Variants in ERBB4 observed in about 807,000 individuals in gnomAD.
ERBB4 encodes receptor tyrosine-protein kinase erbB-4.
ERBB4 carries 42 observed loss-of-function variants against 158.0 expected under a neutral mutation model. That is an observed-to-expected ratio of 0.27 (90% CI 0.21 to 0.34). ERBB4 has a LOEUF of 0.34. Ranked by LOEUF, ERBB4 falls within the 10% of genes least tolerant of loss-of-function variation. ERBB4 has a pLI of 1.00. For synonymous variants in ERBB4, 583 were observed against 558.7 expected (o/e 1.04, Z -0.61); for missense variants, 1,333 against 1,624.1 (o/e 0.82, Z 3.08).
intron 1 of ERBB4, among the ~76,000 whole-genome samples, chr2:212,424,572 A>C (rs1035045954): frequency 1.3e-5 from 2 of 152,184 alleles, no homozygotes; most frequent in African/African-American, 2.4e-5. Flanking sequence ...CAAGTAGTAC[A>C]TAGTATATAT....
rs1178043872 is a variant in ERBB4, at chr2:211,619,190, A to G, written c.2288T>C (p.Val763Ala). ...GTCTGTACTTACATCCATGAACTCC[A>G]CATTTGCCTTGGGACCAGTTGTCTC... ...LNETTGPKANVEFMDEALIMA... is the reference protein window; with the variant it reads ...LNETTGPKANAEFMDEALIMA... Residue 763 changes from valine to alanine, a missense_variant, in exon 19 of 28, where the codon GTG becomes GCG. By Grantham distance (64) the Val-to-Ala change is moderately conservative. Transcript: ENST00000342788. 3.1e-6 allele frequency: 5 copies of G among 1,601,468 alleles called. No individual in the cohort carries two copies. The highest frequency in any genetic ancestry group is 4.3e-6 in the Non-Finnish European group (5 of 1,168,782).
chr2:212,374,938 A>C (rs920658675), intron 1 of ERBB4, among the ~76,000 whole-genome samples: 2 of 151,948 alleles, frequency 1.3e-5, no homozygotes, highest in Non-Finnish European at 2.9e-5. Flanking sequence ...AGTGAAGAAG[A>C]AGTGATATTC....
chr2:212,190,453 C>A lies in ERBB4; in HGVS notation c.83-65550G>T, dbSNP rs1009206696. Among the ~76,000 whole-genome samples the A allele has an allele frequency of 7.3e-5, 11 of 151,046 alleles. No homozygotes were observed. The South Asian group carries it at 2.3e-3, about 32-fold the overall frequency. On this transcript the variant is annotated intron_variant, in intron 1 of 27. Coordinates refer to ENST00000342788, the MANE Select transcript of ERBB4 (RefSeq NM_005235.3). The stretch of plus-strand genomic sequence containing the variant: ...TCGGGAGGCTGAGGCAGGAGAATGG[C>A]GTGAACCCGGGAGGTGGGGCTTGCA...
At chr2:211,933,420 C>T (rs1431605774) in intron 3 of ERBB4, among the ~76,000 whole-genome samples, 5 of 151,902 alleles carry the variant, frequency 3.3e-5, no homozygotes, top group Admixed American at 2.6e-4. Context: ...ACATACTGCC[C>T]AGTACTCTTT....
At chr2:212,054,069 CCCT>C (rs2077480028) in intron 2 of ERBB4, among the ~76,000 whole-genome samples, 1 of 152,064 alleles carries the variant, frequency 6.6e-6, no homozygotes, top group South Asian at 2.1e-4. Flanking sequence ...AACCTCCTTC[CCCT>C]CCTCCTCTTG....
chr2:212,142,565 A>G (rs537356652), intron 1 of ERBB4, among the ~76,000 whole-genome samples: 2 of 149,024 alleles, frequency 1.3e-5, no homozygotes, highest in East Asian at 3.9e-4. Context: ...GAAAAGGTCA[A>G]ACAGTTAAAT....
chr2:211,560,166 T>A (rs2067346051), intron 20 of ERBB4, among the ~76,000 whole-genome samples: 1 of 148,654 alleles, frequency 6.7e-6, no homozygotes, highest in Non-Finnish European at 1.5e-5. Flanking sequence ...CAATGTCATA[T>A]AAATGATATA....
intron 2 of ERBB4, among the ~76,000 whole-genome samples, chr2:212,037,401 GATA>G (rs578210030): frequency 1.2e-4 from 18 of 152,282 alleles, no homozygotes; most frequent in African/African-American, 4.3e-4. Context: ...GCACCAACTG[GATA>G]ATGAGAGTTA....
At chr2:212,537,345 A>T (rs939125344) in intron 1 of ERBB4, among the ~76,000 whole-genome samples, 2 of 152,082 alleles carry the variant, frequency 1.3e-5, no homozygotes. Flanking sequence ...GGCCACGTCA[A>T]GACACCGGTC....
intron 1 of ERBB4, among the ~76,000 whole-genome samples, chr2:212,466,916 G>T (rs1258720620): frequency 6.6e-6 from 1 of 152,204 alleles, no homozygotes; most frequent in Non-Finnish European, 1.5e-5. Context: ...ATAAAGTTCA[G>T]GCTGAGGTGG....
At chr2:212,192,143 T>TATATAA (rs2082291435) in intron 1 of ERBB4, among the ~76,000 whole-genome samples, 1 of 112,738 alleles carries the variant, frequency 8.9e-6, no homozygotes, top group Non-Finnish European at 1.8e-5. Flanking sequence ...GTTATCTATA[T>TATATAA]GTTATATATA....
chr2:211,635,465 A>G (rs374658069), intron 16 of ERBB4, among the ~76,000 whole-genome samples: 1 of 152,204 alleles, frequency 6.6e-6, no homozygotes, highest in East Asian at 1.9e-4. Context: ...TAAAATATGT[A>G]TATTCTTAAT....
rs1553558258 is a variant in ERBB4 at position 212,101,345 on chromosome 2, C to CTATACATATATATATATATA, written c.234+23387_234+23406dup. On this transcript the variant is annotated intron_variant, in intron 2 of 27. Transcript: ENST00000342788. Reference sequence around the variant, plus strand: ...ATCAAAATACAAACACACACACACCCTATACATATATATATATATATGTAT... The same window carrying CTATACATATATATATATATA: ...ATCAAAATACAAACACACACACACCCTATACATATATATATATATATATACATATATATATATATATGTAT... Among the ~76,000 whole-genome samples, 283 of 98,226 alleles carry CTATACATATATATATATATA rather than the reference C, an allele frequency of 2.9e-3. 1 individual carries two copies. Among genetic ancestry groups the CTATACATATATATATATATA allele is most frequent in the African/African-American group, 7.9e-3 (270 of 34,274 alleles). 64.4% of individuals were successfully genotyped at this position (98,226 alleles called of 152,430 possible). A position where few individuals can be genotyped will look rare whatever the true frequency, so the allele number is the denominator to read the frequency against.
chr2:211,900,143 G>A (rs1301202024), intron 3 of ERBB4, among the ~76,000 whole-genome samples: 2 of 152,068 alleles, frequency 1.3e-5, no homozygotes, highest in East Asian at 1.9e-4. Context: ...TAAATACCCA[G>A]GAGTGTCCTG....
At chr2:211,929,707 A>T (rs2080121150) in intron 3 of ERBB4, among the ~76,000 whole-genome samples, 1 of 152,214 alleles carries the variant, frequency 6.6e-6, no homozygotes. Flanking sequence ...GAGAAATAGA[A>T]TTATAACAAT....
At chr2:211,766,816 A>G (rs943138310) in intron 4 of ERBB4, among the ~76,000 whole-genome samples, 18 of 152,120 alleles carry the variant, frequency 1.2e-4, no homozygotes, top group Non-Finnish European at 5.9e-5. Context: ...CTCCTTTTGC[A>G]ACACCCCACT....
intron 3 of ERBB4, among the ~76,000 whole-genome samples, chr2:211,825,562 C>A (rs2077083544): frequency 6.6e-6 from 1 of 151,572 alleles, no homozygotes; most frequent in African/African-American, 2.4e-5. Flanking sequence ...TTGTTCTGAG[C>A]ATTTAGCAAT....
intron 1 of ERBB4, among the ~76,000 whole-genome samples, chr2:212,308,407 T>C (rs1362056760): frequency 2.6e-5 from 4 of 151,086 alleles, no homozygotes; most frequent in African/African-American, 9.7e-5. Context: ...GGAAACAATT[T>C]TGTTTATAAC....
chr2:212,504,257 C>A (rs1407756497), intron 1 of ERBB4, among the ~76,000 whole-genome samples: 2 of 152,048 alleles, frequency 1.3e-5, no homozygotes, highest in Non-Finnish European at 2.9e-5. Context: ...ATCATCTCTA[C>A]TCCTCAAAAC....
Sources: gnomAD v4.1 joint callset for allele counts (sites outside exome capture counted in the v4.1 genomes callset) on GRCh38, gnomAD v4.1.1 for gene constraint, MANE v1.5 for transcripts, NCBI Gene and HGNC (gene_info 2026-07-23, HGNC 2026-07-21) for gene names.